The following TOMM20L variants were observed in gnomAD, a reference collection of about 807,000 sequenced individuals.
TOMM20L encodes translocase of outer mitochondrial membrane 20 like.
Under a neutral mutation model 20.4 loss-of-function variants are expected in TOMM20L, and 19 were observed. The observed-to-expected ratio is 0.93, with a 90% CI of 0.65 to 1.36. The LOEUF (loss-of-function observed/expected upper bound fraction) is 1.36, where lower values mean the gene tolerates loss of function less well. TOMM20L is among the 40% of genes most tolerant of loss of function. The pLI is 0.00. For synonymous variants in TOMM20L, 75 were observed against 79.6 expected, an observed-to-expected ratio of 0.94 and a Z score of 0.30; for missense variants, 218 against 203.7, an observed-to-expected ratio of 1.07 and a Z score of -0.43.
chr14:58,404,108 T>TATATATATATATATATAC (rs1566742913), intron 3 of TOMM20L, among the ~76,000 whole-genome samples: 3 of 18,514 alleles, frequency 1.6e-4, no homozygotes, highest in South Asian at 1.7e-3. Flanking sequence ...TGTATATATA[T>TATATATATATATATATAC]ATATATATAT....
chr14:58,396,399 G>T (rs1214818745), intron 2 of TOMM20L, 58 bp downstream of exon 2: 12 of 1,598,328 alleles, frequency 7.5e-6, no homozygotes, highest in Non-Finnish European at 4.3e-6. Flanking sequence ...GGCTCGCTGG[G>T]TTGCTTGGCT....
At chr14:58,416,041 C>A in the TOMM20L span, among the ~76,000 whole-genome samples, 68 of 150,716 alleles carry the variant, frequency 4.5e-4, no homozygotes, top group South Asian at 9.0e-3. Flanking sequence ...CATGGTGAAA[C>A]CCCGTCCCTA....
At chr14:58,407,917 C>T (rs2140307017) in intron 4 of TOMM20L, among the ~76,000 whole-genome samples, 1 of 152,254 alleles carries the variant, frequency 6.6e-6, no homozygotes, top group South Asian at 2.1e-4. Context: ...CCTGCAAATG[C>T]TTGGATTCAT....
intron 2 of TOMM20L, 41 bp downstream of exon 2, chr14:58,396,382 A>G: frequency 6.2e-7 from 1 of 1,610,496 alleles, no homozygotes; most frequent in South Asian, 1.1e-5. Context: ...CAGTAGACGC[A>G]GGTCCGGGCT....
At chr14:58,403,271 T>A (rs1174361533) in intron 3 of TOMM20L, among the ~76,000 whole-genome samples, 1 of 152,090 alleles carries the variant, frequency 6.6e-6, no homozygotes, top group African/African-American at 2.4e-5. Context: ...GGTGAGAGGA[T>A]CACTTGAGCC....
At chr14:58,412,242 A>G (rs1026786461), downstream of TOMM20L, 1 of 310,760 alleles carries the variant, frequency 3.2e-6, no homozygotes, top group Admixed American at 4.5e-5. Context: ...TCCGGGTTCA[A>G]GCAATTCTCC....
chr14:58,416,091 G>A, the TOMM20L span, among the ~76,000 whole-genome samples: 28 of 151,846 alleles, frequency 1.8e-4, 1 homozygote, highest in East Asian at 5.2e-3. Context: ...AGCTGGCCGT[G>A]GTGGCACACA....
At chr14:58,415,385 C>T in the TOMM20L span, among the ~76,000 whole-genome samples, 1 of 152,060 alleles carries the variant, frequency 6.6e-6, no homozygotes, top group Non-Finnish European at 1.5e-5. Context: ...AACAGATGCT[C>T]AACATTGATT....
Position 58,402,773 on chromosome 14 carries a change from A to T in TOMM20L, c.262+12A>T, listed in dbSNP as rs2036007769. The T allele has an allele frequency of 1.9e-6, 3 of 1,595,600 alleles. No homozygotes were observed. The highest frequency in any genetic ancestry group is 2.6e-6 in the Non-Finnish European group (3 of 1,164,182). ...TTGGTTATCTAGAGGTAAGAATGTA[A>T]ATGTTCTTTTGTGAGTTATGACAGC... On this transcript the variant is annotated intron_variant, in intron 3 of 4. Coordinates refer to ENST00000360945, the MANE Select transcript of TOMM20L (RefSeq NM_207377.3).
At chr14:58,413,406 A>G (rs1414584348), downstream of TOMM20L, among the ~76,000 whole-genome samples, 3 of 152,176 alleles carry the variant, frequency 2.0e-5, no homozygotes, top group African/African-American at 7.2e-5. Context: ...GAAATTGACA[A>G]CCCTCATGAA....
At chr14:58,415,432 T>C in the TOMM20L span, among the ~76,000 whole-genome samples, 1 of 152,168 alleles carries the variant, frequency 6.6e-6, no homozygotes, top group African/African-American at 2.4e-5. Context: ...GATTTTTAAA[T>C]AGCACCTTGT....
At chr14:58,416,826 G>A in the TOMM20L span, among the ~76,000 whole-genome samples, 1 of 152,150 alleles carries the variant, frequency 6.6e-6, no homozygotes, top group African/African-American at 2.4e-5. Context: ...AAAGGAAAAA[G>A]GCCAGGTGTC....
At chr14:58,401,088 G>A (rs191972523) in intron 2 of TOMM20L, among the ~76,000 whole-genome samples, 12 of 152,226 alleles carry the variant, frequency 7.9e-5, no homozygotes, top group South Asian at 4.1e-4. Flanking sequence ...ATTGGACTTC[G>A]TCTTGTACCT....
At chr14:58,413,332 C>CAATGTAAAT (rs771047071), downstream of TOMM20L, among the ~76,000 whole-genome samples, 40 of 152,282 alleles carry the variant, frequency 2.6e-4, no homozygotes, top group Middle Eastern at 6.8e-3. Context: ...GATCCTTTTA[C>CAATGTAAAT]AATGTAAATA....
At chr14:58,409,287 A>G (rs2036131897), downstream of TOMM20L, 1 of 1,113,916 alleles carries the variant, frequency 9.0e-7, no homozygotes, top group African/African-American at 1.6e-5. Context: ...CTGAGAATTA[A>G]ATAGTACTAA....
downstream of TOMM20L, chr14:58,408,814 T>C (rs544564263): frequency 2.2e-4 from 155 of 701,202 alleles, 4 homozygotes; most frequent in South Asian, 3.3e-3. Context: ...TCAACAAATG[T>C]TGCATCTTAT....
chr14:58,398,004 C>T (rs1417516287), intron 2 of TOMM20L, among the ~76,000 whole-genome samples: 4 of 152,098 alleles, frequency 2.6e-5, no homozygotes, highest in South Asian at 2.1e-4. Context: ...AATGGAGAGG[C>T]GGAGTCAAAG....
chr14:58,402,955 G>C (rs1200145834), intron 3 of TOMM20L, among the ~76,000 whole-genome samples, 194 bp downstream of exon 3: 2 of 152,220 alleles, frequency 1.3e-5, no homozygotes, highest in Non-Finnish European at 2.9e-5. Context: ...TCAAGTCGTA[G>C]ACTTGGAAGT....
At chr14:58,415,110 C>T in the TOMM20L span, among the ~76,000 whole-genome samples, 1 of 152,278 alleles carries the variant, frequency 6.6e-6, no homozygotes, top group South Asian at 2.1e-4. Context: ...ATGCCTACTC[C>T]ACCTAGCAGT....
Sources: allele counts gnomAD v4.1 joint callset (sites outside exome capture counted in the v4.1 genomes callset), GRCh38; gene constraint gnomAD v4.1.1; transcripts MANE v1.5; gene names NCBI Gene and HGNC (gene_info 2026-07-23, HGNC 2026-07-21).